Variants in XYLT1 observed in about 807,000 individuals in gnomAD.
The protein encoded by XYLT1 is xylosyltransferase 1, also known as beta-D-xylosyltransferase 1.
XYLT1 carries 36 observed loss-of-function variants against 91.3 expected under a neutral mutation model. The ratio of observed to expected loss-of-function variants is 0.39; its 90% CI spans 0.30 to 0.52. The LOEUF is 0.52. Among genes scored for constraint, XYLT1 ranks in the 20% least tolerant of loss-of-function variants. The pLI is 0.68. For synonymous variants in XYLT1, 588 were observed against 532.0 expected (o/e 1.11, Z -1.45); for missense variants, 1,242 against 1,284.5 (o/e 0.97, Z 0.51).
At chr16:17,333,331 T>C (rs1275527795) in intron 2 of XYLT1, among the ~76,000 whole-genome samples, 1 of 152,164 alleles carries the variant, frequency 6.6e-6, no homozygotes, top group African/African-American at 2.4e-5. Context: ...TAAACAAATA[T>C]GAAAAAGCAT....
intron 1 of XYLT1, among the ~76,000 whole-genome samples, chr16:17,420,337 G>A (rs899848047): frequency 2.6e-5 from 4 of 152,142 alleles, no homozygotes; most frequent in South Asian, 2.1e-4. Context: ...CAACAGAAAC[G>A]TGCTACGCTA....
chr16:17,188,904 G>C (rs544072588), intron 5 of XYLT1, among the ~76,000 whole-genome samples: 1 of 152,168 alleles, frequency 6.6e-6, no homozygotes, highest in Non-Finnish European at 1.5e-5. Context: ...AAGAAGCTGC[G>C]ATTTGGACCC....
chr16:17,417,058 T>G (rs1011042763), intron 1 of XYLT1, among the ~76,000 whole-genome samples: 3 of 152,036 alleles, frequency 2.0e-5, no homozygotes, highest in African/African-American at 7.2e-5. Context: ...GCTTGCAAGT[T>G]TGAAGGCGTA....
At chr16:17,114,773 G>A (rs1166767931) in intron 11 of XYLT1, among the ~76,000 whole-genome samples, 2 of 152,116 alleles carry the variant, frequency 1.3e-5, no homozygotes, top group African/African-American at 4.8e-5. Context: ...GAGAGACCCA[G>A]AAATCCTGTT....
intron 1 of XYLT1, among the ~76,000 whole-genome samples, chr16:17,404,361 C>T (rs1020228154): frequency 6.6e-6 from 1 of 152,180 alleles, no homozygotes; most frequent in Admixed American, 6.5e-5. Flanking sequence ...GCAGGTCACA[C>T]AGACATACTA....
chr16:17,420,178 A>T (rs1367769346), intron 1 of XYLT1, among the ~76,000 whole-genome samples: 1 of 152,246 alleles, frequency 6.6e-6, no homozygotes, highest in Non-Finnish European at 1.5e-5. Flanking sequence ...ATAAGCCACA[A>T]GTGCCCAAAT....
At chr16:17,187,392 T>TTA (rs2032207536) in intron 5 of XYLT1, among the ~76,000 whole-genome samples, 1 of 55,500 alleles carries the variant, frequency 1.8e-5, no homozygotes, top group African/African-American at 7.5e-5. Flanking sequence ...AGACTCAGTT[T>TTA]CAAAAAAAAA....
intron 10 of XYLT1, among the ~76,000 whole-genome samples, chr16:17,123,349 A>G (rs1340884431): frequency 1.3e-5 from 2 of 152,188 alleles, no homozygotes; most frequent in Admixed American, 6.5e-5. Flanking sequence ...TAGATTGTCT[A>G]TTTGGGCTCT....
At chr16:17,261,963 C>T (rs564654437) in intron 2 of XYLT1, among the ~76,000 whole-genome samples, 21 of 152,270 alleles carry the variant, frequency 1.4e-4, no homozygotes, top group Non-Finnish European at 2.4e-4. Flanking sequence ...ACCTAGAGTA[C>T]ATCTTTATTC....
chr16:17,404,069 A>G (rs1161013971), intron 1 of XYLT1, among the ~76,000 whole-genome samples: 1 of 151,002 alleles, frequency 6.6e-6, no homozygotes, highest in Non-Finnish European at 1.5e-5. Context: ...TTCAATGTGC[A>G]TAACTGTATG....
In XYLT1 at chr16:17,207,438, C is replaced by T. The variant is rs186144226; in HGVS notation, c.914-6784G>A. Among the ~76,000 whole-genome samples the T allele has an allele frequency of 1.4e-3, 210 of 152,304 alleles. 1 individual carries two copies. Among genetic ancestry groups the T allele is most frequent in the African/African-American group, 4.9e-3 (203 of 41,566 alleles). On this transcript the variant is annotated intron_variant, in intron 3 of 11. Transcript: ENST00000261381. Reference sequence around the variant, plus strand: ...CTCTTATCTCTTGTAGGATGCCAGCCTTGCCCCTGGACCTGGTACAGAGCT... The same window carrying T: ...CTCTTATCTCTTGTAGGATGCCAGCTTTGCCCCTGGACCTGGTACAGAGCT...
chr16:17,171,297 A>G (rs959540482), intron 5 of XYLT1, among the ~76,000 whole-genome samples: 15 of 152,334 alleles, frequency 9.8e-5, no homozygotes, highest in African/African-American at 3.6e-4. Context: ...TTCAGCCCCA[A>G]GGTGAGATTG....
At position 17,454,705 on chromosome 16, in the gene XYLT1, T is replaced by C. The variant is rs2036713439; in HGVS notation, c.363+15729A>G. On this transcript the variant is annotated intron_variant, in intron 1 of 11. Coordinates refer to ENST00000261381, the MANE Select transcript of XYLT1 (RefSeq NM_022166.4). ...GCATCAACCACCACACCCAGCTATT[T>C]TTTTGTACCTTTTAGTAGAGATGGG... is the stretch of plus-strand genomic sequence containing the variant. Among the ~76,000 whole-genome samples the C allele has an allele frequency of 2.6e-5, 4 of 151,962 alleles. 1 individual carries two copies. In the South Asian group the frequency reaches 8.3e-4, roughly 32 times the overall value.
At chr16:17,123,533 A>G (rs2030147298) in intron 10 of XYLT1, among the ~76,000 whole-genome samples, 1 of 152,124 alleles carries the variant, frequency 6.6e-6, no homozygotes, top group Non-Finnish European at 1.5e-5. Flanking sequence ...GTGGTCTGAG[A>G]GAGTATGTGC....
intron 6 of XYLT1, 69 bp downstream of exon 6, chr16:17,158,760 G>C: frequency 3.2e-6 from 5 of 1,564,814 alleles, no homozygotes; most frequent in Non-Finnish European, 4.4e-6. Flanking sequence ...AACCAGCCTA[G>C]AAAATTCCCC....
chr16:17,323,034 G>T (rs73535314), intron 2 of XYLT1, among the ~76,000 whole-genome samples: 2,775 of 152,310 alleles, frequency 0.018, 77 homozygotes, highest in African/African-American at 0.064. Flanking sequence ...AGGGCCATCT[G>T]GCAGGTCCTA....
intron 2 of XYLT1, among the ~76,000 whole-genome samples, chr16:17,298,949 G>T (rs947108971): frequency 7.2e-5 from 11 of 152,010 alleles, no homozygotes; most frequent in African/African-American, 2.7e-4. Context: ...GGCTATTAAA[G>T]ATTATAATTA....
At chr16:17,168,074 A>G (rs1368769550) in intron 5 of XYLT1, among the ~76,000 whole-genome samples, 1 of 152,244 alleles carries the variant, frequency 6.6e-6, no homozygotes. Context: ...GCTGAAGAAG[A>G]GACAAGAGCA....
At chr16:17,391,452 T>C (rs148576308) in intron 1 of XYLT1, among the ~76,000 whole-genome samples, 81 of 152,298 alleles carry the variant, frequency 5.3e-4, no homozygotes, top group African/African-American at 1.9e-3. Flanking sequence ...ATCATAAAAC[T>C]CCAGTCTCCC....
Sources: gnomAD v4.1 joint callset for allele counts (sites outside exome capture counted in the v4.1 genomes callset) on GRCh38, gnomAD v4.1.1 for gene constraint, MANE v1.5 for transcripts, NCBI Gene and HGNC (gene_info 2026-07-23, HGNC 2026-07-21) for gene names.